The following COL23A1 variants were observed in gnomAD, a reference collection of about 807,000 sequenced individuals.
COL23A1 encodes collagen type XXIII alpha 1 chain, also known as collagen alpha-1(XXIII) chain.
Under a neutral mutation model 99.3 loss-of-function variants are expected in COL23A1, and 97 were observed. That is an observed-to-expected ratio of 0.98 (90% CI 0.83 to 1.16). The LOEUF is 1.16. Among genes scored for constraint, COL23A1 ranks in the 50% most tolerant of loss-of-function variants. The pLI is 0.00. For synonymous variants in COL23A1, 320 were observed against 308.2 expected (o/e 1.04, Z -0.40); for missense variants, 762 against 757.4 (o/e 1.01, Z -0.07).
intron 2 of COL23A1, among the ~76,000 whole-genome samples, chr5:178,464,801 G>T (rs896564971): frequency 2.0e-5 from 3 of 152,012 alleles, no homozygotes; most frequent in African/African-American, 7.3e-5. Flanking sequence ...ATCCCGTGAG[G>T]CCTCAGCCTT....
chr5:178,448,207 G>A (rs1276811087), intron 2 of COL23A1, among the ~76,000 whole-genome samples: 1 of 37,274 alleles, frequency 2.7e-5, no homozygotes, highest in Non-Finnish European at 5.4e-5. Context: ...GTCGCAGTCC[G>A]TTTTGTTCTG....
chr5:178,249,714 A>ACACACACACACACC (rs1285035339), intron 18 of COL23A1, among the ~76,000 whole-genome samples: 1 of 116,220 alleles, frequency 8.6e-6, no homozygotes, highest in Admixed American at 9.0e-5. Context: ...ACACACACAC[A>ACACACACACACACC]CACTCTCTCT....
At chr5:178,448,944 G>C (rs1767327320) in intron 2 of COL23A1, among the ~76,000 whole-genome samples, 1 of 149,338 alleles carries the variant, frequency 6.7e-6, no homozygotes, top group Non-Finnish European at 1.5e-5. Flanking sequence ...ATGCTTTTTT[G>C]TCACTTAGGT....
intron 10 of COL23A1, among the ~76,000 whole-genome samples, 158 bp downstream of exon 10, chr5:178,262,059 G>A (rs1483204468): frequency 4.6e-5 from 7 of 152,146 alleles, no homozygotes; most frequent in African/African-American, 1.7e-4. Context: ...CAGGTGCACA[G>A]GGGTCCACAC....
At chr5:178,529,078 G>T (rs1042127697) in intron 2 of COL23A1, among the ~76,000 whole-genome samples, 2 of 152,218 alleles carry the variant, frequency 1.3e-5, no homozygotes, top group Non-Finnish European at 2.9e-5. Flanking sequence ...GAGGTCCCTC[G>T]CGGCTGTTCT....
At chr5:178,352,522 T>C (rs978416116) in intron 2 of COL23A1, among the ~76,000 whole-genome samples, 1 of 152,138 alleles carries the variant, frequency 6.6e-6, no homozygotes, top group Non-Finnish European at 1.5e-5. Flanking sequence ...AAAGAGGAGT[T>C]TGAATTACAA....
intron 14 of COL23A1, among the ~76,000 whole-genome samples, 174 bp from the exon 15 acceptor site, chr5:178,256,571 C>G (rs116540747): frequency 6.6e-6 from 1 of 152,226 alleles, no homozygotes; most frequent in Non-Finnish European, 1.5e-5. Context: ...CAGGGGCCTG[C>G]GAGACCCTCC....
At chr5:178,441,357 G>A (rs1317029072) in intron 2 of COL23A1, among the ~76,000 whole-genome samples, 3 of 152,106 alleles carry the variant, frequency 2.0e-5, no homozygotes, top group Admixed American at 2.0e-4. Context: ...AAGATATATA[G>A]CCTAAAAATA....
At chr5:178,245,093 G>T (rs1447161530) in intron 25 of COL23A1, among the ~76,000 whole-genome samples, 2 of 105,202 alleles carry the variant, frequency 1.9e-5, no homozygotes, top group Admixed American at 1.1e-4. Context: ...CCATCCATCC[G>T]TCCATCCATC....
intron 25 of COL23A1, among the ~76,000 whole-genome samples, chr5:178,242,778 T>C (rs1764477904): frequency 6.6e-6 from 1 of 152,228 alleles, no homozygotes; most frequent in Non-Finnish European, 1.5e-5. Context: ...ATCTCTGTTC[T>C]GTGCCCTTGG....
intron 3 of COL23A1, among the ~76,000 whole-genome samples, chr5:178,302,268 G>A (rs1758103900): frequency 7.1e-6 from 1 of 139,980 alleles, no homozygotes; most frequent in South Asian, 2.3e-4. Flanking sequence ...CCGGAGCACG[G>A]CTTCAATCCA....
At chr5:178,349,355 C>T (rs1424010473) in intron 2 of COL23A1, among the ~76,000 whole-genome samples, 4 of 152,202 alleles carry the variant, frequency 2.6e-5, no homozygotes, top group Non-Finnish European at 5.9e-5. Flanking sequence ...AGGCCCACTG[C>T]GGCGGGTGCC....
intron 2 of COL23A1, among the ~76,000 whole-genome samples, chr5:178,539,766 C>T (rs1341756706): frequency 6.6e-6 from 1 of 151,978 alleles, no homozygotes; most frequent in African/African-American, 2.4e-5. Flanking sequence ...GTAACATTTC[C>T]CAACTTGTTC....
intron 2 of COL23A1, among the ~76,000 whole-genome samples, chr5:178,412,756 T>A: frequency 6.6e-6 from 1 of 152,250 alleles, no homozygotes; most frequent in Non-Finnish European, 1.5e-5. Flanking sequence ...TTTCAGTGTC[T>A]CAATATATTT....
rs192028271 is a variant in COL23A1, at chr5:178,584,164, C to G, written c.294+5740G>C. On this transcript the variant is annotated intron_variant, in intron 1 of 28. Transcript: ENST00000390654. ...AGCTGGGATTACAGGCACATGTCAC[C>G]ATGCCTGGCTAAATTTGGTGTTTTT... Among the ~76,000 whole-genome samples, 439 of 152,254 alleles carry G rather than the reference C, an allele frequency of 2.9e-3. 4 individuals carry two copies. Among genetic ancestry groups the G allele is most frequent in the African/African-American group, 9.6e-3 (397 of 41,544 alleles).
chr5:178,553,867 C>G (rs1019801948), intron 2 of COL23A1, among the ~76,000 whole-genome samples: 1 of 152,204 alleles, frequency 6.6e-6, no homozygotes, highest in Admixed American at 6.5e-5. Flanking sequence ...TCTCTTCTCC[C>G]TTCCTCTCTG....
chr5:178,524,979 G>A (rs1302619670), intron 2 of COL23A1, among the ~76,000 whole-genome samples: 2 of 152,198 alleles, frequency 1.3e-5, no homozygotes, highest in Non-Finnish European at 2.9e-5. Flanking sequence ...TTCATTTTAA[G>A]ATGAAGAAAG....
intron 2 of COL23A1, among the ~76,000 whole-genome samples, chr5:178,409,185 A>C (rs1764937346): frequency 2.0e-5 from 3 of 152,188 alleles, no homozygotes; most frequent in Non-Finnish European, 4.4e-5. Context: ...TAAGTAGGTG[A>C]CTAAGCCAAC....
At chr5:178,258,913 C>T (rs200345776) in intron 12 of COL23A1, among the ~76,000 whole-genome samples, 2,072 of 117,562 alleles carry the variant, frequency 0.018, 91 homozygotes, top group Admixed American at 0.1. Flanking sequence ...CCAGGGTGGT[C>T]TTTTTTTTTT....
Sources: gnomAD v4.1 joint callset for allele counts (sites outside exome capture counted in the v4.1 genomes callset) on GRCh38, gnomAD v4.1.1 for gene constraint, MANE v1.5 for transcripts, NCBI Gene and HGNC (gene_info 2026-07-23, HGNC 2026-07-21) for gene names.